Variants in SPOCK1 observed in about 807,000 individuals in gnomAD.
SPOCK1 encodes SPARC (osteonectin), cwcv and kazal like domains proteoglycan 1, also known as testican-1.
SPOCK1 carries 23 observed loss-of-function variants against 55.3 expected under a neutral mutation model. The observed-to-expected ratio is 0.42, with a 90% CI of 0.30 to 0.59. SPOCK1 has a LOEUF of 0.59. SPOCK1 is among the 20% of genes least tolerant of loss of function. The pLI is 0.22. For synonymous variants in SPOCK1, 226 were observed against 221.0 expected, an observed-to-expected ratio of 1.02 and a Z score of -0.20; for missense variants, 499 against 552.5, an observed-to-expected ratio of 0.90 and a Z score of 0.97.
chr5:137,022,725 G>A (rs2126980866), intron 6 of SPOCK1, among the ~76,000 whole-genome samples: 1 of 152,188 alleles, frequency 6.6e-6, no homozygotes, highest in Non-Finnish European at 1.5e-5. Flanking sequence ...AGGATATATT[G>A]CATGAAAGTC....
At chr5:137,030,726 G>T (rs1751762840) in intron 6 of SPOCK1, among the ~76,000 whole-genome samples, 1 of 152,164 alleles carries the variant, frequency 6.6e-6, no homozygotes. Flanking sequence ...CTATACTTTT[G>T]ATGTGTAATT....
chr5:137,282,606 A>G (rs1326110642), intron 2 of SPOCK1, among the ~76,000 whole-genome samples: 1 of 152,206 alleles, frequency 6.6e-6, no homozygotes, highest in African/African-American at 2.4e-5. Flanking sequence ...GTTTGTTTGG[A>G]GAAAAGCTGC....
At chr5:137,198,128 T>C (rs558585180) in intron 3 of SPOCK1, among the ~76,000 whole-genome samples, 3 of 152,366 alleles carry the variant, frequency 2.0e-5, no homozygotes, top group East Asian at 1.9e-4. Flanking sequence ...TTTTATGTCA[T>C]AATTGTTGTT....
chr5:137,330,381 G>A (rs1205514507), intron 2 of SPOCK1, among the ~76,000 whole-genome samples: 1 of 152,148 alleles, frequency 6.6e-6, no homozygotes, highest in East Asian at 1.9e-4. Flanking sequence ...TTTAGATTAG[G>A]ATAAGGCCAG....
At position 137,160,579 on chromosome 5, in the gene SPOCK1, T is replaced by TATATA. The variant is rs1754520388; in HGVS notation, c.233-19890_233-19886dup. Among the ~76,000 whole-genome samples, 4 of 60,104 alleles carry TATATA rather than the reference T, an allele frequency of 6.7e-5. No homozygotes were observed. In the Admixed American group the frequency reaches 1.0e-3, roughly 16 times the overall value. The allele number at this position is 60,104 out of a possible 152,430, so 39.4% of individuals were successfully genotyped here. On this transcript the variant is annotated intron_variant, in intron 3 of 10. Transcript: ENST00000394945. ...ATATTATATATTATATATTATATAA[T>TATATA]ATATATAATATATAATATATTATAT...
intron 2 of SPOCK1, among the ~76,000 whole-genome samples, chr5:137,479,039 T>C (rs185068020): frequency 4.0e-4 from 61 of 151,898 alleles, no homozygotes; most frequent in Non-Finnish European, 7.1e-4. Context: ...TTTGGGGTCA[T>C]GCAAGGTTCA....
chr5:137,489,070 A>T (rs1286396108), intron 2 of SPOCK1, among the ~76,000 whole-genome samples: 1 of 152,206 alleles, frequency 6.6e-6, no homozygotes, highest in Non-Finnish European at 1.5e-5. Flanking sequence ...TCACATCACC[A>T]GTCTGTGAAT....
In SPOCK1 at chr5:137,189,085, T is replaced by C. The variant is rs539719753; in HGVS notation, c.233-48391A>G. Among the ~76,000 whole-genome samples, 14 of 152,292 alleles carry C rather than the reference T, an allele frequency of 9.2e-5. 1 individual carries two copies. The South Asian group carries it at 2.7e-3, about 29-fold the overall frequency. On this transcript the variant is annotated intron_variant, in intron 3 of 10. Coordinates refer to ENST00000394945, the MANE Select transcript of SPOCK1 (RefSeq NM_004598.4). Reference sequence around the variant, plus strand: ...AAAGTTTGAAGCTAGCAGATATTGGTTCATGAAGTTTAAAGAAAGAAGCCA... The same window carrying C: ...AAAGTTTGAAGCTAGCAGATATTGGCTCATGAAGTTTAAAGAAAGAAGCCA...
chr5:137,193,038 C>T (rs2127071342), intron 3 of SPOCK1, among the ~76,000 whole-genome samples: 1 of 152,238 alleles, frequency 6.6e-6, no homozygotes, highest in African/African-American at 2.4e-5. Flanking sequence ...GCTGATAGGG[C>T]TGTATTAATG....
At chr5:137,133,879 G>C (rs373405067) in intron 4 of SPOCK1, among the ~76,000 whole-genome samples, 1 of 151,438 alleles carries the variant, frequency 6.6e-6, no homozygotes, top group African/African-American at 2.4e-5. Flanking sequence ...GTTGCTTTGC[G>C]AGGGGCAAGG....
chr5:137,072,798 A>AT (rs1433269782), intron 5 of SPOCK1, among the ~76,000 whole-genome samples: 2 of 152,154 alleles, frequency 1.3e-5, no homozygotes, highest in African/African-American at 4.8e-5. Context: ...CCTATCATCC[A>AT]TTTTTTAAGC....
At chr5:137,183,998 T>C (rs1279926859) in intron 3 of SPOCK1, among the ~76,000 whole-genome samples, 1 of 152,232 alleles carries the variant, frequency 6.6e-6, no homozygotes, top group Non-Finnish European at 1.5e-5. Flanking sequence ...CAGTGGCTGA[T>C]GCCCGACATT....
Position 137,041,419 on chromosome 5 carries a change from G to T in SPOCK1, c.589+26296C>A, listed in dbSNP as rs1379068339. ...AAAAAATCTATGTGATCTTGAGTTT[G>T]GTGCTGAACCAAAATCACAACCTAT... On this transcript the variant is annotated intron_variant, in intron 6 of 10. Transcript: ENST00000394945. 2.0e-5 allele frequency among the ~76,000 whole-genome samples: 3 copies of T among 152,078 alleles called. No homozygotes were observed. In the East Asian group the frequency reaches 5.8e-4, roughly 29 times the overall value.
At chr5:137,064,702 G>C (rs919530736) in intron 6 of SPOCK1, among the ~76,000 whole-genome samples, 1 of 152,122 alleles carries the variant, frequency 6.6e-6, no homozygotes, top group African/African-American at 2.4e-5. Flanking sequence ...CTCTTCATTT[G>C]AACTGCCACC....
intron 5 of SPOCK1, among the ~76,000 whole-genome samples, chr5:137,098,166 G>T (rs1430266128): frequency 6.6e-6 from 1 of 151,276 alleles, no homozygotes; most frequent in South Asian, 2.1e-4. Flanking sequence ...TTCCAGACAA[G>T]TGTTATTATG....
intron 6 of SPOCK1, among the ~76,000 whole-genome samples, chr5:137,021,822 G>C (rs982158186): frequency 2.0e-5 from 3 of 152,020 alleles, no homozygotes; most frequent in African/African-American, 7.2e-5. Context: ...AGATGCAGTT[G>C]ATTTTTTTAA....
chr5:137,386,851 T>C (rs184571438), intron 2 of SPOCK1, among the ~76,000 whole-genome samples: 1 of 151,928 alleles, frequency 6.6e-6, no homozygotes, highest in African/African-American at 2.4e-5. Context: ...CAAAAGACAA[T>C]GTCAAGAAAA....
intron 3 of SPOCK1, among the ~76,000 whole-genome samples, chr5:137,216,192 C>T (rs1292935286): frequency 1.3e-5 from 2 of 152,136 alleles, no homozygotes; most frequent in Non-Finnish European, 2.9e-5. Flanking sequence ...GTGACACATT[C>T]AGCAGGTGAA....
intron 2 of SPOCK1, among the ~76,000 whole-genome samples, chr5:137,432,251 T>C (rs956325061): frequency 1.3e-5 from 2 of 152,210 alleles, no homozygotes; most frequent in African/African-American, 4.8e-5. Context: ...ATTCCACTTC[T>C]GGATATACAC....
Sources: gnomAD v4.1 joint callset for allele counts (sites outside exome capture counted in the v4.1 genomes callset) on GRCh38, gnomAD v4.1.1 for gene constraint, MANE v1.5 for transcripts, NCBI Gene and HGNC (gene_info 2026-07-23, HGNC 2026-07-21) for gene names.